The following DLG2 variants were observed in gnomAD, a reference collection of about 807,000 sequenced individuals.
DLG2 encodes disks large homolog 2.
DLG2 carries 45 observed loss-of-function variants against 132.5 expected under a neutral mutation model. That is an observed-to-expected ratio of 0.34 (90% CI 0.27 to 0.44). DLG2 has a LOEUF of 0.44. Ranked by LOEUF, DLG2 falls within the 20% of genes least tolerant of loss-of-function variation. DLG2 has a pLI of 1.00. For synonymous variants in DLG2, 424 were observed against 419.6 expected (o/e 1.01, Z -0.13); for missense variants, 1,045 against 1,196.9 (o/e 0.87, Z 1.87).
Position 83,863,425 on chromosome 11 carries a change from T to C in DLG2, c.1565+10995A>G, listed in dbSNP as rs116889441. Among the ~76,000 whole-genome samples the C allele has an allele frequency of 2.3e-3, 356 of 152,252 alleles. 1 individual carries two copies. The highest frequency in any genetic ancestry group is 6.8e-3 in the Middle Eastern group (2 of 294). The stretch of plus-strand genomic sequence containing the variant: ...GTGTTCTGTCTTCCACATTACTGAT[T>C]GTATCTCCTCAGGGTGTGTGAGAGG... On this transcript the variant is annotated intron_variant, in intron 16 of 27. Coordinates refer to ENST00000376104, the MANE Select transcript of DLG2 (RefSeq NM_001142699.3).
At chr11:83,751,941 C>A (rs775858657) in intron 18 of DLG2, among the ~76,000 whole-genome samples, 18 of 152,146 alleles carry the variant, frequency 1.2e-4, no homozygotes, top group Non-Finnish European at 2.6e-4. Flanking sequence ...TATGACACTG[C>A]ATGAGATCAG....
At chr11:84,494,438 G>C (rs1048105634) in intron 7 of DLG2, among the ~76,000 whole-genome samples, 1 of 152,166 alleles carries the variant, frequency 6.6e-6, no homozygotes, top group Non-Finnish European at 1.5e-5. Context: ...GAGAGTAGCT[G>C]CTTAGAGACT....
chr11:85,567,116 A>G (rs910621031), intron 3 of DLG2, among the ~76,000 whole-genome samples: 2 of 152,142 alleles, frequency 1.3e-5, no homozygotes, highest in African/African-American at 4.8e-5. Flanking sequence ...GAGTGCTCCA[A>G]ATTCGTTCTT....
chr11:84,133,019 T>A (rs749429584), intron 9 of DLG2, among the ~76,000 whole-genome samples: 6 of 152,054 alleles, frequency 3.9e-5, no homozygotes, highest in Non-Finnish European at 5.9e-5. Flanking sequence ...GGTCTGAACA[T>A]CATTGCCTTT....
At chr11:83,576,058 AT>A (rs1447732217) in intron 19 of DLG2, among the ~76,000 whole-genome samples, 4 of 152,224 alleles carry the variant, frequency 2.6e-5, no homozygotes, top group Non-Finnish European at 5.9e-5. Flanking sequence ...CATGAAACAT[AT>A]AAAAAAAATC....
intron 6 of DLG2, among the ~76,000 whole-genome samples, chr11:84,812,845 C>A (rs1018717778): frequency 5.9e-5 from 9 of 152,078 alleles, no homozygotes; most frequent in Non-Finnish European, 1.3e-4. Context: ...GTGGTATCTG[C>A]AATCTGCAAA....
rs957159517 is a variant in DLG2 at position 84,902,832 on chromosome 11, G to A, written c.357+208829C>T. 5.9e-5 allele frequency among the ~76,000 whole-genome samples: 9 copies of A among 152,194 alleles called. No individual in the cohort carries two copies. The South Asian group carries it at 1.9e-3, about 32-fold the overall frequency. On this transcript the variant is annotated intron_variant, in intron 6 of 27. Coordinates refer to ENST00000376104, the MANE Select transcript of DLG2 (RefSeq NM_001142699.3). ...AGCTAACAACACCATAATCTTTTCCGCTATCCAAGCTGAATGTATGAGTCT... is the reference window on the plus strand; with the variant it reads ...AGCTAACAACACCATAATCTTTTCCACTATCCAAGCTGAATGTATGAGTCT...
intron 3 of DLG2, among the ~76,000 whole-genome samples, chr11:85,306,158 TAGA>T: frequency 6.6e-6 from 1 of 152,360 alleles, no homozygotes; most frequent in East Asian, 1.9e-4. Flanking sequence ...TGACACATAA[TAGA>T]AGTTCATTAA....
intron 3 of DLG2, among the ~76,000 whole-genome samples, chr11:85,481,518 T>C (rs1392160191): frequency 6.6e-6 from 1 of 152,008 alleles, no homozygotes; most frequent in Non-Finnish European, 1.5e-5. Flanking sequence ...ACCTTCCACT[T>C]GAGAGAAGGA....
intron 18 of DLG2, among the ~76,000 whole-genome samples, chr11:83,658,477 A>G (rs921747196): frequency 7.2e-5 from 11 of 152,246 alleles, no homozygotes; most frequent in African/African-American, 2.7e-4. Flanking sequence ...AATGATAATA[A>G]ACAGTTATTC....
intron 6 of DLG2, among the ~76,000 whole-genome samples, chr11:84,859,654 A>G (rs2083347103): frequency 6.6e-6 from 1 of 151,822 alleles, no homozygotes; most frequent in South Asian, 2.1e-4. Flanking sequence ...AGTAATATAA[A>G]GCCACTATTT....
intron 6 of DLG2, among the ~76,000 whole-genome samples, chr11:84,666,624 C>T (rs570665789): frequency 1.3e-5 from 2 of 152,128 alleles, no homozygotes; most frequent in South Asian, 4.2e-4. Context: ...CACCAAACAA[C>T]TAGCTCCATA....
chr11:84,572,962 T>C (rs183014020), intron 6 of DLG2, among the ~76,000 whole-genome samples: 321 of 152,284 alleles, frequency 2.1e-3, no homozygotes, highest in African/African-American at 7.5e-3. Flanking sequence ...TGAAGTTCTT[T>C]GTTTCTGACC....
intron 3 of DLG2, among the ~76,000 whole-genome samples, chr11:85,417,731 T>C (rs2089982477): frequency 6.6e-6 from 1 of 152,206 alleles, no homozygotes; most frequent in Non-Finnish European, 1.5e-5. Context: ...TTTATTTGCA[T>C]AGAGGTGTTT....
At chr11:83,899,021 C>A (rs1294886813) in intron 15 of DLG2, among the ~76,000 whole-genome samples, 1 of 152,178 alleles carries the variant, frequency 6.6e-6, no homozygotes, top group Non-Finnish European at 1.5e-5. Context: ...TACCAGGTGT[C>A]AGATGGCTGA....
chr11:83,946,070 A>G (rs2083862899), intron 14 of DLG2, among the ~76,000 whole-genome samples: 2 of 146,188 alleles, frequency 1.4e-5, no homozygotes, highest in African/African-American at 5.1e-5. Flanking sequence ...GCTCACCGCA[A>G]CCTCTGACTC....
At chr11:84,601,103 T>C (rs1313377277) in intron 6 of DLG2, among the ~76,000 whole-genome samples, 1 of 152,168 alleles carries the variant, frequency 6.6e-6, no homozygotes, top group Admixed American at 6.5e-5. Flanking sequence ...GTTATTTTTA[T>C]GTAGAAGATT....
chr11:85,242,070 G>A (rs541125614), intron 4 of DLG2, among the ~76,000 whole-genome samples: 1 of 151,870 alleles, frequency 6.6e-6, no homozygotes, highest in South Asian at 2.1e-4. Context: ...TATTCAACTA[G>A]GCCACCTGCC....
At position 84,240,969 on chromosome 11, in the gene DLG2, C is replaced by A. The variant is rs116721952; in HGVS notation, c.573+10269G>T. ...AAAAGGCCTTCACAATCAGACTCAA[C>A]CCAACCTCATATTATGCTATTGCTC... On this transcript the variant is annotated intron_variant, in intron 8 of 27. Transcript: ENST00000376104. 5.7e-3 allele frequency among the ~76,000 whole-genome samples: 874 copies of A among 152,306 alleles called. 12 individuals carry two copies. Among genetic ancestry groups the A allele is most frequent in the African/African-American group, 0.02 (811 of 41,570 alleles).
Sources: gnomAD v4.1 joint callset for allele counts (sites outside exome capture counted in the v4.1 genomes callset) on GRCh38, gnomAD v4.1.1 for gene constraint, MANE v1.5 for transcripts, NCBI Gene and HGNC (gene_info 2026-07-23, HGNC 2026-07-21) for gene names.